The following MIS18A variants were observed in gnomAD, a reference collection of about 807,000 sequenced individuals.
The protein encoded by MIS18A is protein Mis18-alpha.
In MIS18A, 14 loss-of-function variants were observed where a neutral mutation model predicts 25.0. The ratio of observed to expected loss-of-function variants is 0.56; its 90% CI spans 0.37 to 0.88. The LOEUF is 0.88. Among genes scored for constraint, MIS18A ranks in the 40% least tolerant of loss-of-function variants. MIS18A has a pLI of 0.00. For synonymous variants in MIS18A, 134 were observed against 118.6 expected, an observed-to-expected ratio of 1.13 and a Z score of -0.84; for missense variants, 292 against 290.8, an observed-to-expected ratio of 1.00 and a Z score of -0.03.
At chr21:32,171,218 T>C in the MIS18A span, among the ~76,000 whole-genome samples, 1 of 152,192 alleles carries the variant, frequency 6.6e-6, no homozygotes, top group East Asian at 1.9e-4. Context: ...TGGTATGATC[T>C]TCTGTATAAA....
chr21:32,227,687 G>A, the MIS18A span, among the ~76,000 whole-genome samples: 6 of 152,130 alleles, frequency 3.9e-5, no homozygotes, highest in South Asian at 2.1e-4. Flanking sequence ...GAGGGAGAAC[G>A]TTTCCCAACT....
At chr21:32,244,698 C>G in the MIS18A span, among the ~76,000 whole-genome samples, 3 of 152,134 alleles carry the variant, frequency 2.0e-5, no homozygotes, top group East Asian at 5.8e-4. Context: ...GATTGAGCCA[C>G]TGCACTTGAG....
chr21:32,218,147 C>T, the MIS18A span, among the ~76,000 whole-genome samples: 2 of 133,722 alleles, frequency 1.5e-5, no homozygotes, highest in Non-Finnish European at 3.1e-5. Context: ...GAGCCAAGAT[C>T]GGGCCACTGC....
the MIS18A span, among the ~76,000 whole-genome samples, chr21:32,198,176 G>A: frequency 0.15 from 22,850 of 152,172 alleles, 1,827 homozygotes; most frequent in East Asian, 0.24. Flanking sequence ...TATTTAGGAG[G>A]GTGTGCACGT....
chr21:32,279,025 T>A lies in MIS18A; in HGVS notation c.-11A>T. On this transcript the variant is annotated 5_prime_UTR_variant, in exon 1 of 5. Coordinates refer to ENST00000290130, the MANE Select transcript of MIS18A (RefSeq NM_018944.3). ...CCGAACGCCTGCCATTACCTACAAA[T>A]CGCCCGCGCCCCAGAGCGCCATGGG... 6.4e-7 allele frequency: 1 copy of A among 1,559,630 alleles called. No homozygotes were observed. Among genetic ancestry groups the A allele is most frequent in the Admixed American group, 1.7e-5 (1 of 58,368 alleles).
At chr21:32,219,595 CCCAGTGGTG>C in the MIS18A span, among the ~76,000 whole-genome samples, 1 of 152,092 alleles carries the variant, frequency 6.6e-6, no homozygotes, top group Admixed American at 6.5e-5. Flanking sequence ...TTTTTCATAC[CCCAGTGGTG>C]CCTGGAATGC....
the MIS18A span, among the ~76,000 whole-genome samples, chr21:32,255,614 G>C: frequency 6.7e-6 from 1 of 149,960 alleles, no homozygotes; most frequent in South Asian, 2.2e-4. Context: ...GCTTGGCCAG[G>C]CGCGGTGGCT....
the MIS18A span, among the ~76,000 whole-genome samples, chr21:32,155,571 C>A: frequency 1.3e-5 from 2 of 152,142 alleles, no homozygotes; most frequent in Non-Finnish European, 2.9e-5. Flanking sequence ...GAAAAAGGAA[C>A]CTGTTCCATT....
the MIS18A span, among the ~76,000 whole-genome samples, chr21:32,250,232 C>T: frequency 2.4e-3 from 358 of 152,106 alleles, no homozygotes; most frequent in African/African-American, 7.8e-3. Context: ...TTATAAAAGA[C>T]GCACTTCTAA....
At chr21:32,216,188 A>ATC in the MIS18A span, among the ~76,000 whole-genome samples, 4 of 152,164 alleles carry the variant, frequency 2.6e-5, no homozygotes, top group East Asian at 7.7e-4. Flanking sequence ...AAAAAATAGA[A>ATC]AGCTTTGTGG....
At chr21:32,173,896 T>C in the MIS18A span, among the ~76,000 whole-genome samples, 2 of 152,038 alleles carry the variant, frequency 1.3e-5, no homozygotes, top group African/African-American at 4.8e-5. Context: ...AATTTTATAC[T>C]GTGAAGTAGT....
chr21:32,267,178 T>C (rs2031621926), downstream of MIS18A, among the ~76,000 whole-genome samples: 1 of 152,256 alleles, frequency 6.6e-6, no homozygotes, highest in Non-Finnish European at 1.5e-5. Flanking sequence ...CTCACTGTGA[T>C]GGCAAGGCCA....
In MIS18A at chr21:32,269,714, AG is replaced by A; in HGVS notation, c.613del (p.Leu205Ter). ...TGTACAGAATAAAATTACCTGTGTT[AG>A]AGACTTTTCTATTTCAACTCTGCTT... ...LESRVEIEKS[L>X]TQMEDVLKAL... On this transcript the variant is annotated frameshift_variant, in exon 4 of 5. Coordinates refer to ENST00000290130, the MANE Select transcript of MIS18A (RefSeq NM_018944.3). LOFTEE classifies it low-confidence loss of function (END_TRUNC). 3 of 1,581,938 alleles carry A rather than the reference AG, an allele frequency of 1.9e-6. No homozygotes were observed. The highest frequency in any genetic ancestry group is 2.6e-6 in the Non-Finnish European group (3 of 1,150,792).
At chr21:32,276,760 T>C (rs2031818846) in intron 1 of MIS18A, among the ~76,000 whole-genome samples, 1 of 152,056 alleles carries the variant, frequency 6.6e-6, no homozygotes, top group Non-Finnish European at 1.5e-5. Flanking sequence ...CAAGACTCTG[T>C]CTCTACAAAA....
chr21:32,186,354 C>T, the MIS18A span, among the ~76,000 whole-genome samples: 1 of 152,230 alleles, frequency 6.6e-6, no homozygotes, highest in African/African-American at 2.4e-5. Flanking sequence ...CTAGCTTTGC[C>T]TTGCCCATGA....
the MIS18A span, among the ~76,000 whole-genome samples, chr21:32,240,078 T>C: frequency 6.6e-6 from 1 of 152,188 alleles, no homozygotes; most frequent in African/African-American, 2.4e-5. Context: ...GCAGTCCAGG[T>C]CTGTGGGGGA....
At chr21:32,180,934 G>T in the MIS18A span, among the ~76,000 whole-genome samples, 1 of 129,128 alleles carries the variant, frequency 7.7e-6, no homozygotes, top group South Asian at 2.6e-4. Context: ...CTGACTGGGA[G>T]AAGGGAATGT....
intron 1 of MIS18A, among the ~76,000 whole-genome samples, chr21:32,276,632 TTA>T (rs2031816109): frequency 6.6e-6 from 1 of 151,862 alleles, no homozygotes; most frequent in Non-Finnish European, 1.5e-5. Flanking sequence ...GGAAAACAAT[TTA>T]TATAAACTTT....
In MIS18A at chr21:32,269,124, A is replaced by G; in HGVS notation, c.622-7T>C. ...CTTTCAAGACATCTTCCATCTATTG[A>G]ATTTAAAAAATAAAAAAATAAAGAA... On this transcript the variant is annotated splice_region_variant and splice_polypyrimidine_tract_variant and intron_variant, in intron 4 of 4. Coordinates refer to ENST00000290130, the MANE Select transcript of MIS18A (RefSeq NM_018944.3). 6.4e-7 allele frequency: 1 copy of G among 1,568,208 alleles called. No individual in the cohort carries two copies. Among genetic ancestry groups the G allele is most frequent in the Non-Finnish European group, 8.7e-7 (1 of 1,152,660 alleles).
Sources: gnomAD v4.1 joint callset for allele counts (sites outside exome capture counted in the v4.1 genomes callset) on GRCh38, gnomAD v4.1.1 for gene constraint, MANE v1.5 for transcripts, NCBI Gene and HGNC (gene_info 2026-07-23, HGNC 2026-07-21) for gene names.